Variants in GALNTL6 observed in about 807,000 individuals in gnomAD.
The protein encoded by GALNTL6 is polypeptide N-acetylgalactosaminyltransferase-like 6.
A neutral mutation model predicts 73.7 loss-of-function variants in GALNTL6; 46 were observed. The observed-to-expected ratio is 0.62, with a 90% CI of 0.49 to 0.80. The LOEUF (loss-of-function observed/expected upper bound fraction) is 0.80, where lower values mean the gene tolerates loss of function less well. GALNTL6 is among the 30% of genes least tolerant of loss of function. GALNTL6 has a pLI of 0.00. For synonymous variants in GALNTL6, 259 were observed against 263.7 expected (o/e 0.98, Z 0.17); for missense variants, 604 against 755.0 (o/e 0.80, Z 2.34).
intron 5 of GALNTL6, among the ~76,000 whole-genome samples, chr4:172,440,117 C>T (rs1205648469): frequency 6.6e-6 from 1 of 152,092 alleles, no homozygotes; most frequent in Non-Finnish European, 1.5e-5. Flanking sequence ...TACACATACT[C>T]TTAGCATATG....
intron 5 of GALNTL6, among the ~76,000 whole-genome samples, chr4:172,769,398 AT>A (rs1334800171): frequency 2.0e-4 from 30 of 152,356 alleles, no homozygotes; most frequent in African/African-American, 6.7e-4. Flanking sequence ...CAATTGCAAA[AT>A]ATAGAATACA....
chr4:172,885,336 A>G (rs1257703122), intron 8 of GALNTL6, among the ~76,000 whole-genome samples: 3 of 152,016 alleles, frequency 2.0e-5, no homozygotes, highest in Admixed American at 6.6e-5. Context: ...TCTTTAGTTA[A>G]ATTTATTCTT....
At chr4:172,475,930 T>C (rs1579106870) in intron 5 of GALNTL6, among the ~76,000 whole-genome samples, 1 of 152,378 alleles carries the variant, frequency 6.6e-6, no homozygotes, top group East Asian at 1.9e-4. Context: ...TCCTTTATGC[T>C]AATTTGCCTT....
intron 10 of GALNTL6, among the ~76,000 whole-genome samples, chr4:173,008,949 T>C (rs368011950): frequency 1.3e-5 from 2 of 152,360 alleles, no homozygotes; most frequent in Middle Eastern, 3.4e-3. Context: ...TATTGAATTA[T>C]AACTATATTT....
intron 5 of GALNTL6, among the ~76,000 whole-genome samples, chr4:172,627,356 G>C (rs1357686870): frequency 2.6e-5 from 4 of 152,058 alleles, no homozygotes; most frequent in Admixed American, 2.6e-4. Context: ...CTTGATCTTA[G>C]TGAATTAACT....
At chr4:172,961,872 C>A (rs1404097039) in intron 10 of GALNTL6, among the ~76,000 whole-genome samples, 1 of 152,180 alleles carries the variant, frequency 6.6e-6, no homozygotes, top group Admixed American at 6.5e-5. Context: ...CAAGGGAGGT[C>A]CCCCGATCTG....
intron 5 of GALNTL6, among the ~76,000 whole-genome samples, chr4:172,683,459 C>G (rs1732743052): frequency 6.6e-6 from 1 of 152,176 alleles, no homozygotes; most frequent in African/African-American, 2.4e-5. Flanking sequence ...CAGTGTGCCA[C>G]AGTGGTTACA....
intron 8 of GALNTL6, among the ~76,000 whole-genome samples, chr4:172,930,318 G>A (rs1579668808): frequency 6.6e-6 from 1 of 151,772 alleles, no homozygotes; most frequent in East Asian, 1.9e-4. Context: ...ATTATTTTCT[G>A]TACCTAAGAA....
chr4:172,923,178 A>G (rs914604383), intron 8 of GALNTL6, among the ~76,000 whole-genome samples: 1 of 152,204 alleles, frequency 6.6e-6, no homozygotes, highest in Non-Finnish European at 1.5e-5. Context: ...CATACCCGAC[A>G]CTGGGCAATT....
At chr4:172,105,003 A>G (rs1732637393) in intron 2 of GALNTL6, among the ~76,000 whole-genome samples, 1 of 152,204 alleles carries the variant, frequency 6.6e-6, no homozygotes, top group African/African-American at 2.4e-5. Context: ...AAAAGTCAAC[A>G]ATTACAAAAA....
At chr4:172,162,598 A>AG (rs1734505825) in intron 2 of GALNTL6, among the ~76,000 whole-genome samples, 1 of 151,994 alleles carries the variant, frequency 6.6e-6, no homozygotes. Flanking sequence ...CTGCAGAGAG[A>AG]GAGAAAAATG....
chr4:171,997,928 A>C (rs558962317), intron 2 of GALNTL6, among the ~76,000 whole-genome samples: 1 of 152,126 alleles, frequency 6.6e-6, no homozygotes, highest in South Asian at 2.1e-4. Context: ...AGGAGTATTC[A>C]GAAAGCTCAG....
At chr4:172,502,646 C>A (rs2110780523) in intron 5 of GALNTL6, among the ~76,000 whole-genome samples, 1 of 152,290 alleles carries the variant, frequency 6.6e-6, no homozygotes, top group East Asian at 1.9e-4. Context: ...TTTTTAAGCA[C>A]CATGACTTTC....
chr4:172,904,280 A>G (rs963038281), intron 8 of GALNTL6, among the ~76,000 whole-genome samples: 24 of 152,182 alleles, frequency 1.6e-4, no homozygotes, highest in African/African-American at 5.8e-4. Flanking sequence ...ACATCATTCA[A>G]TGTGTTTACA....
chr4:172,951,976 CA>C, intron 9 of GALNTL6, 60 bp from the exon 10 acceptor site: 1 of 1,409,846 alleles, frequency 7.1e-7, no homozygotes. Context: ...TCTGGTGCAA[CA>C]AAAAACACCT....
At chr4:172,760,392 G>T (rs1483516554) in intron 5 of GALNTL6, among the ~76,000 whole-genome samples, 1 of 152,108 alleles carries the variant, frequency 6.6e-6, no homozygotes, top group Non-Finnish European at 1.5e-5. Flanking sequence ...TGGGTTGGAG[G>T]TTTAGTTAAT....
At chr4:172,032,443 A>C (rs1012161295) in intron 2 of GALNTL6, among the ~76,000 whole-genome samples, 2 of 152,126 alleles carry the variant, frequency 1.3e-5, no homozygotes, top group Admixed American at 1.3e-4. Context: ...CTAAAGAATT[A>C]TCTTAAAATT....
At chr4:172,142,884 A>C (rs908983404) in intron 2 of GALNTL6, among the ~76,000 whole-genome samples, 5 of 152,012 alleles carry the variant, frequency 3.3e-5, no homozygotes, top group African/African-American at 1.2e-4. Context: ...AATACTATGG[A>C]GAGTTTTCTT....
intron 3 of GALNTL6, among the ~76,000 whole-genome samples, chr4:172,299,426 C>T (rs995162004): frequency 9.9e-5 from 15 of 152,124 alleles, no homozygotes; most frequent in African/African-American, 3.6e-4. Context: ...AATGTGTTTG[C>T]TCTTGCTTCT....
Sources: gnomAD v4.1 joint callset for allele counts (sites outside exome capture counted in the v4.1 genomes callset) on GRCh38, gnomAD v4.1.1 for gene constraint, MANE v1.5 for transcripts, NCBI Gene and HGNC (gene_info 2026-07-23, HGNC 2026-07-21) for gene names.